The following ARHGAP26 variants were observed in gnomAD, a reference collection of about 807,000 sequenced individuals.
The protein encoded by ARHGAP26 is Rho GTPase activating protein 26, also known as rho GTPase-activating protein 26.
Under a neutral mutation model 104.8 loss-of-function variants are expected in ARHGAP26, and 38 were observed. That is an observed-to-expected ratio of 0.36 (90% CI 0.28 to 0.48). ARHGAP26 has a LOEUF of 0.48. Among genes scored for constraint, ARHGAP26 ranks in the 20% least tolerant of loss-of-function variants. The pLI, the probability that ARHGAP26 is intolerant of heterozygous loss-of-function variation, is 0.99. For synonymous variants in ARHGAP26, 341 were observed against 340.0 expected, an observed-to-expected ratio of 1.00 and a Z score of -0.03; for missense variants, 704 against 947.9, an observed-to-expected ratio of 0.74 and a Z score of 3.38.
At chr5:142,865,239 C>T (rs866993719) in intron 1 of ARHGAP26, among the ~76,000 whole-genome samples, 4 of 152,110 alleles carry the variant, frequency 2.6e-5, no homozygotes, top group Non-Finnish European at 5.9e-5. Context: ...CTTGACACAG[C>T]GGTCATTGAT....
At chr5:143,097,821 C>CAAAA (rs35803857) in intron 17 of ARHGAP26, among the ~76,000 whole-genome samples, 31 of 120,994 alleles carry the variant, frequency 2.6e-4, no homozygotes, top group Middle Eastern at 4.2e-3. Flanking sequence ...GACTCCAACT[C>CAAAA]AAAAAAAAAA....
intron 20 of ARHGAP26, among the ~76,000 whole-genome samples, chr5:143,179,768 G>T (rs183856761): frequency 2.0e-5 from 3 of 152,198 alleles, no homozygotes; most frequent in African/African-American, 4.8e-5. Context: ...GTTATTGTGG[G>T]GAAAGTCCTG....
At chr5:142,792,157 T>A (rs988223359) in intron 1 of ARHGAP26, among the ~76,000 whole-genome samples, 1 of 152,192 alleles carries the variant, frequency 6.6e-6, no homozygotes, top group African/African-American at 2.4e-5. Context: ...ACCACATCTC[T>A]TGTTCTTCCA....
chr5:143,139,900 T>C (rs1798316865), intron 19 of ARHGAP26, among the ~76,000 whole-genome samples: 1 of 152,196 alleles, frequency 6.6e-6, no homozygotes, highest in South Asian at 2.1e-4. Context: ...CCAGAAGGAT[T>C]GAAGGGAGCC....
intron 11 of ARHGAP26, among the ~76,000 whole-genome samples, chr5:142,983,133 C>A (rs969269683): frequency 6.6e-6 from 1 of 152,194 alleles, no homozygotes; most frequent in African/African-American, 2.4e-5. Context: ...AATGGAGACA[C>A]CTGTATGTCT....
rs566561808 is a variant in ARHGAP26, at chr5:143,131,437, A to G, written c.1699-2530A>G. Among the ~76,000 whole-genome samples, 30 of 152,330 alleles carry G rather than the reference A, an allele frequency of 2.0e-4. 1 individual carries two copies. Among genetic ancestry groups the G allele is most frequent in the African/African-American group, 6.7e-4 (28 of 41,568 alleles). On this transcript the variant is annotated intron_variant, in intron 18 of 22. Transcript: ENST00000645722. ...AAAATTTGGAGGCCAGAGGCAAAGC[A>G]GGATGAGAGGGAAAATAATGAGAAC...
intron 1 of ARHGAP26, among the ~76,000 whole-genome samples, chr5:142,848,210 G>A (rs1289360227): frequency 6.6e-6 from 1 of 152,162 alleles, no homozygotes; most frequent in Non-Finnish European, 1.5e-5. Flanking sequence ...TCAGCCGCCT[G>A]GTATTAAACT....
Position 142,811,457 on chromosome 5 carries a change from C to G in ARHGAP26, c.154+40542C>G, listed in dbSNP as rs112062581. 1.0e-3 allele frequency among the ~76,000 whole-genome samples: 153 copies of G among 152,314 alleles called. 1 individual carries two copies. The highest frequency in any genetic ancestry group is 3.3e-3 in the African/African-American group (137 of 41,568). On this transcript the variant is annotated intron_variant, in intron 1 of 22. Transcript: ENST00000645722. The stretch of plus-strand genomic sequence containing the variant: ...TGGGCTCTGGACGCCGACAGCATGG[C>G]TTCCAATCCTGGCCTGTCCGTCACG...
intron 20 of ARHGAP26, chr5:143,165,024 CA>C (rs1214244475): frequency 3.9e-5 from 6 of 152,164 alleles, no homozygotes; most frequent in Non-Finnish European, 7.3e-5. Flanking sequence ...TATAGAAATC[CA>C]AGAATTTGTA....
At chr5:143,183,803 T>A (rs1804750500) in intron 20 of ARHGAP26, among the ~76,000 whole-genome samples, 1 of 152,184 alleles carries the variant, frequency 6.6e-6, no homozygotes, top group Non-Finnish European at 1.5e-5. Context: ...CTCAGCAGTG[T>A]CTCTGCGCCT....
chr5:143,031,718 A>G (rs1781905871), intron 12 of ARHGAP26, among the ~76,000 whole-genome samples: 1 of 151,974 alleles, frequency 6.6e-6, no homozygotes, highest in Admixed American at 6.6e-5. Flanking sequence ...CTGGCCCACC[A>G]ACCTCCTCCT....
chr5:143,118,954 A>G (rs896531776), intron 17 of ARHGAP26, among the ~76,000 whole-genome samples: 2 of 151,944 alleles, frequency 1.3e-5, no homozygotes, highest in African/African-American at 4.8e-5. Context: ...AAAAAAAAAA[A>G]AAGAAAGAAG....
intron 6 of ARHGAP26, among the ~76,000 whole-genome samples, chr5:142,896,350 A>G (rs145538144): frequency 6.6e-5 from 10 of 152,224 alleles, no homozygotes; most frequent in African/African-American, 2.2e-4. Flanking sequence ...GGCCCATCCA[A>G]CTTTTTTGAG....
At chr5:143,076,727 G>A (rs564602372) in intron 17 of ARHGAP26, among the ~76,000 whole-genome samples, 184 of 152,254 alleles carry the variant, frequency 1.2e-3, no homozygotes, top group African/African-American at 4.3e-3. Flanking sequence ...TTGTATATGT[G>A]TTGTAATTTT....
intron 11 of ARHGAP26, among the ~76,000 whole-genome samples, chr5:142,989,169 T>C (rs245720): frequency 6.6e-6 from 1 of 152,144 alleles, no homozygotes; most frequent in Admixed American, 6.5e-5. Context: ...ATGAATCTGG[T>C]TGCTCCTGTA....
At chr5:143,206,530 C>T (rs946226194) in intron 20 of ARHGAP26, among the ~76,000 whole-genome samples, 7 of 152,130 alleles carry the variant, frequency 4.6e-5, no homozygotes, top group South Asian at 2.1e-4. Context: ...CTTTGAGTAT[C>T]GTAATGCCCA....
intron 11 of ARHGAP26, among the ~76,000 whole-genome samples, chr5:142,981,860 C>T (rs1019652925): frequency 2.0e-5 from 3 of 152,196 alleles, no homozygotes; most frequent in Non-Finnish European, 4.4e-5. Flanking sequence ...CTTTTTAAAC[C>T]TCAAAAGTTC....
At chr5:143,018,230 A>G (rs1779855131) in intron 12 of ARHGAP26, among the ~76,000 whole-genome samples, 1 of 152,160 alleles carries the variant, frequency 6.6e-6, no homozygotes, top group Admixed American at 6.5e-5. Context: ...GTTCCTACTG[A>G]TTCTAGATAC....
intron 18 of ARHGAP26, among the ~76,000 whole-genome samples, chr5:143,133,349 G>A (rs967105268): frequency 1.3e-5 from 2 of 152,120 alleles, no homozygotes; most frequent in Admixed American, 1.3e-4. Flanking sequence ...CATAGTACGT[G>A]TGTGGGTGTG....
Sources: allele counts gnomAD v4.1 joint callset (sites outside exome capture counted in the v4.1 genomes callset), GRCh38; gene constraint gnomAD v4.1.1; transcripts MANE v1.5; gene names NCBI Gene and HGNC (gene_info 2026-07-23, HGNC 2026-07-21).